Variants in KPNA4 observed in about 807,000 individuals in gnomAD.
KPNA4 encodes the protein karyopherin subunit alpha 4.
A neutral mutation model predicts 71.3 loss-of-function variants in KPNA4; 13 were observed. The observed-to-expected ratio is 0.18, with a 90% CI of 0.12 to 0.29. The LOEUF (loss-of-function observed/expected upper bound fraction) is 0.29, where lower values mean the gene tolerates loss of function less well. Among genes scored for constraint, KPNA4 ranks in the 10% least tolerant of loss-of-function variants. The probability of loss-of-function intolerance (pLI) is 1.00; values close to 1 mark genes in which losing one functional copy is unlikely to be tolerated. For synonymous variants in KPNA4, 189 were observed against 195.2 expected, an observed-to-expected ratio of 0.97 and a Z score of 0.26; for missense variants, 334 against 603.2, an observed-to-expected ratio of 0.55 and a Z score of 4.67.
At chr3:160,528,752 C>A (rs546628736) in intron 7 of KPNA4, among the ~76,000 whole-genome samples, 1 of 152,224 alleles carries the variant, frequency 6.6e-6, no homozygotes, top group South Asian at 2.1e-4. Flanking sequence ...TGGGATCTTC[C>A]GAATCAGAAA....
chr3:160,528,288 A>C (rs1285736028), intron 7 of KPNA4, among the ~76,000 whole-genome samples: 1 of 152,216 alleles, frequency 6.6e-6, no homozygotes, highest in African/African-American at 2.4e-5. Context: ...ATTAACAATT[A>C]AACCTGGAAT....
chr3:160,562,129 T>C (rs1722256469), intron 1 of KPNA4, among the ~76,000 whole-genome samples: 3 of 152,150 alleles, frequency 2.0e-5, no homozygotes, highest in African/African-American at 7.2e-5. Context: ...TGCTATACTC[T>C]GTACATGGGC....
At chr3:160,539,998 CT>C (rs376611861) in intron 1 of KPNA4, among the ~76,000 whole-genome samples, 3,035 of 129,218 alleles carry the variant, frequency 0.023, 50 homozygotes, top group African/African-American at 0.06. Context: ...TTTTTCTTTT[CT>C]TTTTTTTTTT....
chr3:160,531,611 T>C, intron 5 of KPNA4, 54 bp from the exon 6 acceptor site: 2 of 854,728 alleles, frequency 2.3e-6, no homozygotes, highest in Non-Finnish European at 3.6e-6. Flanking sequence ...ATATTATGAT[T>C]AAATATAAAT....
At chr3:160,523,357 C>A (rs1473172450) in intron 10 of KPNA4, among the ~76,000 whole-genome samples, 1 of 151,628 alleles carries the variant, frequency 6.6e-6, no homozygotes, top group Non-Finnish European at 1.5e-5. Context: ...TTTTTATGAC[C>A]CTGACTTTAA....
chr3:160,545,179 TTTTC>T (rs1445498084), intron 1 of KPNA4, among the ~76,000 whole-genome samples: 1 of 152,248 alleles, frequency 6.6e-6, no homozygotes, highest in Middle Eastern at 3.2e-3. Flanking sequence ...AAAATATTCT[TTTTC>T]TTTGTGAACT....
In KPNA4 at chr3:160,495,656, A is replaced by T. The variant is rs1002722047; in HGVS notation, c.*6448T>A. The T allele has an allele frequency of 6.6e-6, 1 of 151,828 alleles. No individual in the cohort carries two copies. Among genetic ancestry groups the T allele is most frequent in the African/African-American group, 2.4e-5 (1 of 41,296 alleles). 9.4% of individuals were successfully genotyped at this position (151,828 alleles called of 1,614,324 possible). The stretch of plus-strand genomic sequence containing the variant: ...CAACTGAATATAATACTGACATGGC[A>T]GAAGTGCGAGTTTTATCAGTGATAC... On this transcript the variant is annotated 3_prime_UTR_variant, in exon 17 of 17. Coordinates refer to ENST00000334256, the MANE Select transcript of KPNA4 (RefSeq NM_002268.5).
rs775114457 is a variant in KPNA4 at position 160,495,769 on chromosome 3, G to A, written c.*6335C>T. 3 of 151,456 alleles carry A rather than the reference G, an allele frequency of 2.0e-5. No homozygotes were observed. Among genetic ancestry groups the A allele is most frequent in the Non-Finnish European group, 4.4e-5 (3 of 67,946 alleles). The allele number at this position is 151,456 out of a possible 1,614,324, so 9.4% of individuals were successfully genotyped here. A position where few individuals can be genotyped will look rare whatever the true frequency, so the allele number is the denominator to read the frequency against. Reference sequence around the variant, plus strand: ...AGCACATCGGCAAGTAAAAATGTAAGTGAAGGTAGGAAATACCTAGAATAC... The same window carrying A: ...AGCACATCGGCAAGTAAAAATGTAAATGAAGGTAGGAAATACCTAGAATAC... On this transcript the variant is annotated 3_prime_UTR_variant, in exon 17 of 17. Transcript: ENST00000334256.
intron 13 of KPNA4, among the ~76,000 whole-genome samples, chr3:160,512,252 T>C (rs986488864): frequency 6.6e-6 from 1 of 152,164 alleles, no homozygotes; most frequent in Non-Finnish European, 1.5e-5. Context: ...AATCATGTCA[T>C]ATCCAAAAGG....
intron 1 of KPNA4, among the ~76,000 whole-genome samples, chr3:160,539,602 T>C (rs1721756536): frequency 6.6e-6 from 1 of 152,182 alleles, no homozygotes; most frequent in African/African-American, 2.4e-5. Context: ...AAAGTAGTAT[T>C]ACCAACACAA....
intron 2 of KPNA4, among the ~76,000 whole-genome samples, chr3:160,536,126 G>A (rs1721688275): frequency 6.6e-6 from 1 of 151,870 alleles, no homozygotes; most frequent in Non-Finnish European, 1.5e-5. Context: ...TTAATGAACC[G>A]TGAACTATGT....
intron 12 of KPNA4, chr3:160,514,798 T>C: frequency 2.6e-6 from 1 of 388,984 alleles, no homozygotes; most frequent in South Asian, 2.0e-5. Context: ...ACATCACAGT[T>C]GGTGCTACTT....
rs776033253 is a variant in KPNA4, at chr3:160,514,063, C to T, written c.1137+14G>A. On this transcript the variant is annotated intron_variant, in intron 13 of 16. Transcript: ENST00000334256. ...TACATCAGATAAATGATACATATAA[C>T]ATGATTTTCTTACCTTATCCAAAAG... 6.9e-7 allele frequency: 1 copy of T among 1,445,048 alleles called. No homozygotes were observed. The highest frequency in any genetic ancestry group is 1.3e-5 in the South Asian group (1 of 76,588). The allele number at this position is 1,445,048 out of a possible 1,614,324, so 89.5% of individuals were successfully genotyped here.
intron 12 of KPNA4, among the ~76,000 whole-genome samples, chr3:160,514,518 CA>C (rs1721163242): frequency 6.6e-6 from 1 of 152,136 alleles, no homozygotes; most frequent in Non-Finnish European, 1.5e-5. Context: ...GAGTATAATA[CA>C]AATACAAATC....
chr3:160,515,612 G>A lies in KPNA4; in HGVS notation c.904-32C>T, dbSNP rs199571359. On this transcript the variant is annotated intron_variant, in intron 11 of 16. Transcript: ENST00000334256. ...TGCACAATGAGATGACATTCTATGT[G>A]AAATCCTTTTTTTTTTTTTTGAGAC... The A allele has an allele frequency of 1.1e-5, 17 of 1,587,918 alleles. No individual in the cohort carries two copies. The Admixed American group carries it at 2.9e-4, about 28-fold the overall frequency.
At chr3:160,517,450 C>A (rs1447338569) in intron 11 of KPNA4, among the ~76,000 whole-genome samples, 6 of 152,014 alleles carry the variant, frequency 3.9e-5, no homozygotes, top group African/African-American at 1.5e-4. Flanking sequence ...TGTGGATATG[C>A]ATTTTCATTT....
chr3:160,545,394 C>CA (rs1366133454), intron 1 of KPNA4, among the ~76,000 whole-genome samples: 1 of 143,818 alleles, frequency 7.0e-6, no homozygotes, highest in Non-Finnish European at 1.6e-5. Flanking sequence ...GAAAACAGAA[C>CA]AAAATGACAA....
At chr3:160,506,312 G>A (rs1720983661) in intron 15 of KPNA4, among the ~76,000 whole-genome samples, 2 of 152,010 alleles carry the variant, frequency 1.3e-5, no homozygotes, top group South Asian at 4.1e-4. Context: ...AGGATTACAG[G>A]TGTGCGCTAC....
At chr3:160,517,075 C>T (rs768203345) in intron 11 of KPNA4, among the ~76,000 whole-genome samples, 4 of 151,968 alleles carry the variant, frequency 2.6e-5, no homozygotes, top group Admixed American at 6.5e-5. Flanking sequence ...AATTCCAGAA[C>T]ACTTTGATCA....
Sources: allele counts gnomAD v4.1 joint callset (sites outside exome capture counted in the v4.1 genomes callset), GRCh38; gene constraint gnomAD v4.1.1; transcripts MANE v1.5; gene names NCBI Gene and HGNC (gene_info 2026-07-23, HGNC 2026-07-21).